SHISAL1: variants seen among roughly 807,000 people sequenced by gnomAD.
SHISAL1 encodes the protein shisa like 1.
In SHISAL1, 9 loss-of-function variants were observed where a neutral mutation model predicts 22.6. That is an observed-to-expected ratio of 0.40 (90% CI 0.24 to 0.70). The LOEUF (loss-of-function observed/expected upper bound fraction) is 0.70. Ranked by LOEUF, SHISAL1 falls within the 30% of genes least tolerant of loss-of-function variation. The pLI, the probability that SHISAL1 is intolerant of heterozygous loss-of-function variation, is 0.39. For missense variants in SHISAL1, 246 were observed against 270.6 expected, an observed-to-expected ratio of 0.91 and a Z score of 0.64; for synonymous variants, 119 against 115.4, an observed-to-expected ratio of 1.03 and a Z score of -0.20.
At chr22:44,289,466 ATGTGTGTGTG>A (rs35632126) in intron 3 of SHISAL1, among the ~76,000 whole-genome samples, 20 of 120,922 alleles carry the variant, frequency 1.7e-4, no homozygotes, top group African/African-American at 7.2e-4. Flanking sequence ...GTCATTGTAA[ATGTGTGTGTG>A]TGTGTGTGTG....
In SHISAL1 at chr22:44,246,740, C is replaced by T. The variant is rs541853443; in HGVS notation, c.*2945G>A. On this transcript the variant is annotated 3_prime_UTR_variant, in exon 5 of 5. Transcript: ENST00000381176. Reference sequence around the variant, plus strand: ...CGGCTCCTCTGTGAGACAGCAAGTACCGTGACTAACTGGTACCCTACCTCA... The same window carrying T: ...CGGCTCCTCTGTGAGACAGCAAGTATCGTGACTAACTGGTACCCTACCTCA... The T allele has an allele frequency of 2.1e-5, 3 of 143,738 alleles. No homozygotes were observed. The highest frequency in any genetic ancestry group is 5.2e-5 in the African/African-American group (2 of 38,614). The allele number at this position is 143,738 out of a possible 1,614,324, so 8.9% of individuals were successfully genotyped here.
rs1268112042 is a variant in SHISAL1 at position 44,285,472 on chromosome 22, A to C, written c.555T>G (p.Asp185Glu). The change falls in exon 4 of 5, where the codon GAT (aspartate) becomes GAG (glutamate). Residue 185 changes from aspartate (D) to glutamate (E), a missense_variant. By Grantham distance (45) the Asp-to-Glu change is conservative. Around this residue, in one of 2 missense-constraint regions of SHISAL1, gnomAD observed 136 missense variants for 117.5 expected, o/e 1.16. Transcript: ENST00000381176. ...APQAVHTLRG[D>E]AHSPPLMTFQ... ...AGGTCATCAGCGGTGGGCTGTGAGC[A>C]TCTCCCCGCAATGTGTGCACGGCCT... 6.2e-7 allele frequency: 1 copy of C among 1,614,038 alleles called. No homozygotes were observed. Among genetic ancestry groups the C allele is most frequent in the Non-Finnish European group, 8.5e-7 (1 of 1,179,926 alleles).
rs2055031293 is a variant in SHISAL1 at position 44,249,503 on chromosome 22, G to A, written c.*182C>T. 1 of 540,486 alleles carries A rather than the reference G, an allele frequency of 1.9e-6. No individual in the cohort carries two copies. Among genetic ancestry groups the A allele is most frequent in the South Asian group, 2.3e-5 (1 of 44,254 alleles). The allele number at this position is 540,486 out of a possible 1,614,324, so 33.5% of individuals were successfully genotyped here. ...CCCTGCACCCCCAGCCCCTACCCCT[G>A]AGTTTGCTCCTAATCTTAGAAGTCC... On this transcript the variant is annotated 3_prime_UTR_variant, in exon 5 of 5. Coordinates refer to ENST00000381176, the MANE Select transcript of SHISAL1 (RefSeq NM_001099294.2).
chr22:44,323,894 C>A, the SHISAL1 span, among the ~76,000 whole-genome samples: 5 of 152,232 alleles, frequency 3.3e-5, no homozygotes, highest in African/African-American at 9.6e-5. Flanking sequence ...ATTTACTGAG[C>A]ACTTACTATA....
At chr22:44,302,563 C>T (rs1212832219) in intron 1 of SHISAL1, among the ~76,000 whole-genome samples, 11 of 152,120 alleles carry the variant, frequency 7.2e-5, no homozygotes, top group Admixed American at 2.6e-4. Flanking sequence ...TTGAGTGAGG[C>T]GGGAGAGGCC....
chr22:44,309,319 C>T (rs751475108), intron 1 of SHISAL1, among the ~76,000 whole-genome samples: 2 of 152,174 alleles, frequency 1.3e-5, no homozygotes, highest in Non-Finnish European at 2.9e-5. Context: ...CGATGATTAG[C>T]AGTGGTAGCA....
chr22:44,252,945 G>A (rs770146457), intron 4 of SHISAL1, among the ~76,000 whole-genome samples: 6 of 151,892 alleles, frequency 4.0e-5, no homozygotes, highest in Non-Finnish European at 5.9e-5. Context: ...GCAGTGAGCC[G>A]AGATCACGCC....
At chr22:44,280,239 G>C (rs73888968) in intron 4 of SHISAL1, among the ~76,000 whole-genome samples, 5,884 of 152,292 alleles carry the variant, frequency 0.039, 376 homozygotes, top group African/African-American at 0.13. Context: ...GGGTTGGAAG[G>C]CATGGGCAGT....
rs2054999254 is a variant in SHISAL1, at chr22:44,246,176, C to T, written c.*3509G>A. The stretch of plus-strand genomic sequence containing the variant: ...GCAGCGAGCCAGCAGGCATTACCAG[C>T]TATTGGTTCTGAATAGAGATTCTGA... On this transcript the variant is annotated 3_prime_UTR_variant, in exon 5 of 5. Transcript: ENST00000381176. The T allele has an allele frequency of 6.6e-6, 1 of 152,194 alleles. No individual in the cohort carries two copies. The highest frequency in any genetic ancestry group is 1.5e-5 in the Non-Finnish European group (1 of 68,060). 9.4% of individuals were successfully genotyped at this position (152,194 alleles called of 1,614,324 possible). A position where few individuals can be genotyped will look rare whatever the true frequency, so the allele number is the denominator to read the frequency against.
chr22:44,313,547 G>T (rs1357259527), upstream of SHISAL1, among the ~76,000 whole-genome samples: 1 of 152,240 alleles, frequency 6.6e-6, no homozygotes, highest in Non-Finnish European at 1.5e-5. Context: ...GGTGGGGATG[G>T]GGCAGGAACA....
intron 3 of SHISAL1, among the ~76,000 whole-genome samples, chr22:44,291,687 C>T (rs1286439173): frequency 6.6e-6 from 1 of 152,158 alleles, no homozygotes; most frequent in African/African-American, 2.4e-5. Context: ...CCTCCCACCC[C>T]CTGCAGCCCA....
intron 4 of SHISAL1, among the ~76,000 whole-genome samples, chr22:44,267,630 A>G (rs1443152782): frequency 2.0e-5 from 3 of 151,934 alleles, no homozygotes; most frequent in East Asian, 1.9e-4. Flanking sequence ...ACATCTTACC[A>G]TGGCCCTGCA....
upstream of SHISAL1, among the ~76,000 whole-genome samples, chr22:44,316,206 C>T (rs1239157017): frequency 2.6e-5 from 4 of 152,140 alleles, no homozygotes; most frequent in African/African-American, 9.7e-5. Flanking sequence ...GGGAGAGGGA[C>T]CTGGGTCAAG....
the SHISAL1 span, among the ~76,000 whole-genome samples, chr22:44,320,667 CT>C: frequency 6.6e-6 from 1 of 152,232 alleles, no homozygotes; most frequent in Non-Finnish European, 1.5e-5. Flanking sequence ...CGCCCTCCCC[CT>C]GTGACCCCCT....
At chr22:44,293,104 T>G (rs2055364030) in intron 3 of SHISAL1, among the ~76,000 whole-genome samples, 1 of 152,190 alleles carries the variant, frequency 6.6e-6, no homozygotes, top group Non-Finnish European at 1.5e-5. Flanking sequence ...CTGCAGAGAA[T>G]TCTGCCCAAA....
chr22:44,264,307 G>A (rs145464304), intron 4 of SHISAL1, among the ~76,000 whole-genome samples: 4 of 152,348 alleles, frequency 2.6e-5, no homozygotes, highest in Admixed American at 6.5e-5. Context: ...GGGAGGAGCT[G>A]AAGAGAGACC....
chr22:44,303,500 A>G (rs1405209967), intron 1 of SHISAL1, among the ~76,000 whole-genome samples: 1 of 152,168 alleles, frequency 6.6e-6, no homozygotes, highest in East Asian at 1.9e-4. Context: ...GGTGATGCAC[A>G]TATAAGCCAA....
At chr22:44,298,000 G>A (rs2055399467) in intron 2 of SHISAL1, among the ~76,000 whole-genome samples, 1 of 152,200 alleles carries the variant, frequency 6.6e-6, no homozygotes, top group South Asian at 2.1e-4. Flanking sequence ...TGGGCTGGAA[G>A]ATGGGCAGGC....
At chr22:44,301,113 C>T (rs1026868748) in intron 1 of SHISAL1, 136 bp from the exon 2 acceptor site, 52 of 578,486 alleles carry the variant, frequency 9.0e-5, no homozygotes, top group South Asian at 2.2e-4. Context: ...CGGGTGCGGA[C>T]GATGGAGATG....
Sources: allele counts gnomAD v4.1 joint callset (sites outside exome capture counted in the v4.1 genomes callset), GRCh38; gene constraint gnomAD v4.1.1; regional missense constraint gnomAD v4.1.1; transcripts MANE v1.5; gene names NCBI Gene and HGNC (gene_info 2026-07-23, HGNC 2026-07-21).